Variants in ZBTB6 observed in about 807,000 individuals in gnomAD.
ZBTB6 encodes the protein zinc finger and BTB domain containing 6.
Under a neutral mutation model 30.6 loss-of-function variants are expected in ZBTB6, and 11 were observed. That is an observed-to-expected ratio of 0.36 (90% CI 0.23 to 0.60). The LOEUF is 0.60. Ranked by LOEUF, ZBTB6 falls within the 20% of genes least tolerant of loss-of-function variation. The pLI, the probability that ZBTB6 is intolerant of heterozygous loss-of-function variation, is 0.75. For synonymous variants in ZBTB6, 174 were observed against 172.0 expected (o/e 1.01, Z -0.09); for missense variants, 380 against 489.4 (o/e 0.78, Z 2.11).
rs1360093266 is a variant in ZBTB6, at chr9:122,910,039, C to A, written c.*759G>T. The A allele has an allele frequency of 5.3e-5, 8 of 152,046 alleles. No individual in the cohort carries two copies. Among genetic ancestry groups the A allele is most frequent in the Non-Finnish European group, 1.0e-4 (7 of 68,008 alleles). The allele number at this position is 152,046 out of a possible 1,614,324, so 9.4% of individuals were successfully genotyped here. On this transcript the variant is annotated 3_prime_UTR_variant, in exon 2 of 2. Coordinates refer to ENST00000373659, the MANE Select transcript of ZBTB6 (RefSeq NM_006626.6). ...TTTTAAAACAGTAGAACAGATATCCCTGGTAAAGGTAGAATTTCTCATTTT... is the reference window on the plus strand; with the variant it reads ...TTTTAAAACAGTAGAACAGATATCCATGGTAAAGGTAGAATTTCTCATTTT...
At chr9:122,912,149 G>A in intron 1 of ZBTB6, 68 bp from the exon 2 acceptor site, 2 of 1,450,174 alleles carry the variant, frequency 1.4e-6, no homozygotes, top group Non-Finnish European at 1.9e-6. Context: ...CTGTAATGGT[G>A]AAAACAAACG....
Position 122,911,084 on chromosome 9 carries a change from T to C in ZBTB6, c.989A>G (p.Gln330Arg). 1.2e-6 allele frequency: 2 copies of C among 1,614,246 alleles called. No homozygotes were observed. Among genetic ancestry groups the C allele is most frequent in the East Asian group, 2.2e-5 (1 of 44,890 alleles). The change falls in exon 2 of 2, where the codon CAG becomes CGG. Residue 330 changes from glutamine (Q) to arginine (R), a missense_variant. Gln to Arg is a conservative substitution (Grantham distance 43). Transcript: ENST00000373659. The surrounding 1 kb of genome is among the most constrained non-coding windows in gnomAD (Gnocchi z 4.5). ...LKMHKLFLCL[Q>R]CGKTFTQKKN... ...CTTCTGTGTAAATGTTTTTCCGCAC[T>C]GTAAGCATAAGAATAGTTTATGCAT... is the stretch of plus-strand genomic sequence containing the variant.
chr9:122,910,238 G>A lies in ZBTB6; in HGVS notation c.*560C>T, dbSNP rs1832938667. ...TATTAACCCTGTATAAAAAAATTCT[G>A]CTATTCCCAAGTGAATCTGAATTGT... On this transcript the variant is annotated 3_prime_UTR_variant, in exon 2 of 2. Transcript: ENST00000373659. 1.3e-5 allele frequency: 2 copies of A among 152,166 alleles called. No homozygotes were observed. The highest frequency in any genetic ancestry group is 2.9e-5 in the Non-Finnish European group (2 of 68,076). The allele number at this position is 152,166 out of a possible 1,614,324, so 9.4% of individuals were successfully genotyped here.
rs1223129150 is a variant in ZBTB6, at chr9:122,911,910, A to G, written c.163T>C (p.Ser55Pro). The G allele has an allele frequency of 6.2e-7, 1 of 1,614,222 alleles. No homozygotes were observed. Among genetic ancestry groups the G allele is most frequent in the Non-Finnish European group, 8.5e-7 (1 of 1,180,030 alleles). ...AAAAACTGATCTCTCATAAAAGTGG[A>G]GCAAGCAGCCAAAATCACCTTGTGC... is the stretch of plus-strand genomic sequence containing the variant. ...QGHKVILAAC[S>P]TFMRDQFLLT... Residue 55 changes from serine to proline, a missense_variant, in exon 2 of 2, where the codon TCC becomes CCC. By Grantham distance (74) the Ser-to-Pro change is moderately conservative. Coordinates refer to ENST00000373659, the MANE Select transcript of ZBTB6 (RefSeq NM_006626.6). The surrounding 1 kb of genome is among the most constrained non-coding windows in gnomAD (Gnocchi z 4.5).
chr9:122,911,221 A>G lies in ZBTB6; in HGVS notation c.852T>C (p.Tyr284=). The part of the protein sequence containing the change: ...GLFCENTEGS[Y]GTVSEIQNLE... ...GATTCTGAATCTCACTCACTGTACC[A>G]TAACTTCCTTCAGTATTCTCACAAA... The change falls in exon 2 of 2, where the codon TAT becomes TAC. Residue 284 remains tyrosine, a synonymous_variant. Transcript: ENST00000373659. This position sits in a 1 kb window ranked among gnomAD's most constrained non-coding sequence, Gnocchi z 4.5. 6.2e-7 allele frequency: 1 copy of G among 1,614,216 alleles called. No homozygotes were observed. The highest frequency in any genetic ancestry group is 8.5e-7 in the Non-Finnish European group (1 of 1,180,048).
chr9:122,911,905 A>C lies in ZBTB6; in HGVS notation c.168T>G (p.Thr56=), dbSNP rs541911837. 111 of 1,614,246 alleles carry C rather than the reference A, an allele frequency of 6.9e-5. 1 individual carries two copies. In the South Asian group the frequency reaches 1.2e-3, roughly 18 times the overall value. ...GHKVILAACS[T]FMRDQFLLTQ... ...TGAGTAAAAACTGATCTCTCATAAA[A>C]GTGGAGCAAGCAGCCAAAATCACCT... Residue 56 remains threonine, a synonymous_variant, in exon 2 of 2, where the codon ACT becomes ACG. Coordinates refer to ENST00000373659, the MANE Select transcript of ZBTB6 (RefSeq NM_006626.6). This position sits in a 1 kb window ranked among gnomAD's most constrained non-coding sequence, Gnocchi z 4.5.
Position 122,911,103 on chromosome 9 carries a change from T to G in ZBTB6, c.970A>C (p.Lys324Gln). ...ENYLRHLKMH[K>Q]LFLCLQCGKT... Reference sequence around the variant, plus strand: ...CCGCACTGTAAGCATAAGAATAGTTTATGCATTTTAAGGTGGCGCAGATAG... The same window carrying G: ...CCGCACTGTAAGCATAAGAATAGTTGATGCATTTTAAGGTGGCGCAGATAG... Residue 324 changes from lysine (K) to glutamine (Q), a missense_variant, in exon 2 of 2, where the codon AAA becomes CAA. Coordinates refer to ENST00000373659, the MANE Select transcript of ZBTB6 (RefSeq NM_006626.6). The surrounding 1 kb of genome is among the most constrained non-coding windows in gnomAD (Gnocchi z 4.5). The G allele has an allele frequency of 6.2e-7, 1 of 1,614,234 alleles. No individual in the cohort carries two copies. The highest frequency in any genetic ancestry group is 1.1e-5 in the South Asian group (1 of 91,090).
At chr9:122,912,637 T>G (rs902192533) in intron 1 of ZBTB6, among the ~76,000 whole-genome samples, 2 of 152,170 alleles carry the variant, frequency 1.3e-5, no homozygotes, top group African/African-American at 4.8e-5. Flanking sequence ...ATTTTATTTT[T>G]AATTTCCCTT....
Position 122,911,715 on chromosome 9 carries a change from T to G in ZBTB6, c.358A>C (p.Thr120Pro). 6.2e-7 allele frequency: 1 copy of G among 1,614,144 alleles called. No individual in the cohort carries two copies. Among genetic ancestry groups the G allele is most frequent in the Middle Eastern group, 1.6e-4 (1 of 6,062 alleles). Residue 120 changes from threonine (T) to proline (P), a missense_variant, in exon 2 of 2, where the codon ACA becomes CCA. By Grantham distance (38) the Thr-to-Pro change is conservative. Coordinates refer to ENST00000373659, the MANE Select transcript of ZBTB6 (RefSeq NM_006626.6). The surrounding 1 kb of genome is among the most constrained non-coding windows in gnomAD (Gnocchi z 4.5). Reference sequence around the variant, plus strand: ...TCCAGATACTTTGACAAAGCTTCTGTGCACTTTTCCACAATGTGAACCATC... The same window carrying G: ...TCCAGATACTTTGACAAAGCTTCTGGGCACTTTTCCACAATGTGAACCATC... Reference protein sequence around the residue: ...LQMVHIVEKCTEALSKYLEID... With the variant: ...LQMVHIVEKCPEALSKYLEID...
chr9:122,911,288 C>G lies in ZBTB6; in HGVS notation c.785G>C (p.Ser262Thr). 6.2e-7 allele frequency: 1 copy of G among 1,614,150 alleles called. No individual in the cohort carries two copies. The highest frequency in any genetic ancestry group is 1.1e-5 in the South Asian group (1 of 91,088). Residue 262 changes from serine to threonine, a missense_variant, in exon 2 of 2, where the codon AGC becomes ACC. Transcript: ENST00000373659. This position sits in a 1 kb window ranked among gnomAD's most constrained non-coding sequence, Gnocchi z 4.5. ...QHSLINSTVE[S>T]RVAEVPGNQD... Reference sequence around the variant, plus strand: ...ATTCCCAGGAACTTCAGCCACTCTGCTCTCAACTGTAGAATTGATCAATGA... The same window carrying G: ...ATTCCCAGGAACTTCAGCCACTCTGGTCTCAACTGTAGAATTGATCAATGA...
At position 122,913,278 on chromosome 9, in the gene ZBTB6, C is replaced by T; in HGVS notation, c.-37G>A. On this transcript the variant is annotated 5_prime_UTR_variant, in exon 1 of 2. Transcript: ENST00000373659. Reference sequence around the variant, plus strand: ...ACTCAGAAAACTAGAGTCAAGGATTCCGCGGCAGCGTCTGCCCAAGCCGGA... The same window carrying T: ...ACTCAGAAAACTAGAGTCAAGGATTTCGCGGCAGCGTCTGCCCAAGCCGGA... 1.0e-6 allele frequency: 1 copy of T among 986,006 alleles called. No individual in the cohort carries two copies. The highest frequency in any genetic ancestry group is 1.2e-6 in the Non-Finnish European group (1 of 830,010). The allele number at this position is 986,006 out of a possible 1,614,324, so 61.1% of individuals were successfully genotyped here. A position where few individuals can be genotyped will look rare whatever the true frequency, so the allele number is the denominator to read the frequency against.
chr9:122,911,309 A>G lies in ZBTB6; in HGVS notation c.764T>C (p.Leu255Ser), dbSNP rs1227979659. The change falls in exon 2 of 2, where the codon TTG (leucine) becomes TCG (serine). Residue 255 changes from leucine to serine, a missense_variant. Transcript: ENST00000373659. This position sits in a 1 kb window ranked among gnomAD's most constrained non-coding sequence, Gnocchi z 4.5. ...SMYFSETQHS[L>S]INSTVESRVA... ...TCTGCTCTCAACTGTAGAATTGATC[A>G]ATGAATGCTGTGTTTCAGAGAAATA... 1 of 1,614,198 alleles carries G rather than the reference A, an allele frequency of 6.2e-7. No individual in the cohort carries two copies.
At chr9:122,912,907 A>C (rs1832968178) in intron 1 of ZBTB6, among the ~76,000 whole-genome samples, 1 of 152,194 alleles carries the variant, frequency 6.6e-6, no homozygotes, top group South Asian at 2.1e-4. Flanking sequence ...TTTAAGCCCA[A>C]ATCAAGTAAA....
At position 122,908,987 on chromosome 9, in the gene ZBTB6, T is replaced by A. The variant is rs768480011; in HGVS notation, c.*1811A>T. On this transcript the variant is annotated 3_prime_UTR_variant, in exon 2 of 2. Transcript: ENST00000373659. ...TGACCAAGATCAAAGTTATTTTACA[T>A]ATAAAGTTAAAAAGTTCAAGGAGAA... The A allele has an allele frequency of 6.6e-6, 1 of 152,202 alleles. No individual in the cohort carries two copies. Among genetic ancestry groups the A allele is most frequent in the Non-Finnish European group, 1.5e-5 (1 of 68,028 alleles). 9.4% of individuals were successfully genotyped at this position (152,202 alleles called of 1,614,324 possible).
rs1426744265 is a variant in ZBTB6 at position 122,908,324 on chromosome 9, G to A, written c.*2474C>T. On this transcript the variant is annotated 3_prime_UTR_variant, in exon 2 of 2. Transcript: ENST00000373659. ...CTTTAAAAAAAGATTCCATTTTCCT[G>A]AAAATTTTTAGACATATCATGCAAA... 6.6e-6 allele frequency: 1 copy of A among 152,308 alleles called. No individual in the cohort carries two copies. The highest frequency in any genetic ancestry group is 1.5e-5 in the Non-Finnish European group (1 of 68,010). The allele number at this position is 152,308 out of a possible 1,614,324, so 9.4% of individuals were successfully genotyped here. A position where few individuals can be genotyped will look rare whatever the true frequency, so the allele number is the denominator to read the frequency against.
chr9:122,910,970 G>A lies in ZBTB6; in HGVS notation c.1103C>T (p.Thr368Ile). 1.2e-6 allele frequency: 2 copies of A among 1,614,190 alleles called. No homozygotes were observed. Among genetic ancestry groups the A allele is most frequent in the Non-Finnish European group, 1.7e-6 (2 of 1,180,040 alleles). Residue 368 changes from threonine (T) to isoleucine (I), a missense_variant, in exon 2 of 2, where the codon ACA becomes ATA. Physicochemically the swap from Thr to Ile is moderately conservative, Grantham distance 89 (BLOSUM62 -1). Transcript: ENST00000373659. ...VCLKTFTAKS[T>I]LQDHLNIHSG... Reference sequence around the variant, plus strand: ...GTGTATGTTCAAGTGGTCCTGAAGTGTGCTTTTGGCAGTAAATGTCTTCAA... The same window carrying A: ...GTGTATGTTCAAGTGGTCCTGAAGTATGCTTTTGGCAGTAAATGTCTTCAA...
rs772268219 is a variant in ZBTB6, at chr9:122,911,872, T to C, written c.201A>G (p.Ser67=). Residue 67 remains serine, a synonymous_variant, in exon 2 of 2, where the codon TCA becomes TCG. Coordinates refer to ENST00000373659, the MANE Select transcript of ZBTB6 (RefSeq NM_006626.6). The surrounding 1 kb of genome is among the most constrained non-coding windows in gnomAD (Gnocchi z 4.5). ...FMRDQFLLTQ[S]KHVRITILQS... The stretch of plus-strand genomic sequence containing the variant: ...GTAAGATGGTGATTCTGACATGTTT[T>C]GACTGTGTGAGTAAAAACTGATCTC... The C allele has an allele frequency of 2.4e-5, 39 of 1,614,136 alleles. No individual in the cohort carries two copies. The highest frequency in any genetic ancestry group is 3.1e-5 in the Non-Finnish European group (36 of 1,180,058).
chr9:122,912,190 A>C (rs1022000641), intron 1 of ZBTB6, 109 bp from the exon 2 acceptor site: 5 of 1,119,634 alleles, frequency 4.5e-6, no homozygotes, highest in Non-Finnish European at 6.3e-6. Flanking sequence ...AGGAAGAAGA[A>C]GACTCAAAGT....
chr9:122,911,686 A>G lies in ZBTB6; in HGVS notation c.387T>C (p.Ile129=), dbSNP rs1358819343. 1 of 1,613,786 alleles carries G rather than the reference A, an allele frequency of 6.2e-7. No homozygotes were observed. The highest frequency in any genetic ancestry group is 2.2e-5 in the East Asian group (1 of 44,890). ...CTEALSKYLE[I]DLSMKNNNQH... ...GGTTGTTGTTTTTCATAGAAAGATC[A>G]ATTTCCAGATACTTTGACAAAGCTT... The change falls in exon 2 of 2, where the codon ATT becomes ATC. Residue 129 remains isoleucine, a synonymous_variant. Coordinates refer to ENST00000373659, the MANE Select transcript of ZBTB6 (RefSeq NM_006626.6). This position sits in a 1 kb window ranked among gnomAD's most constrained non-coding sequence, Gnocchi z 4.5.
Sources: gnomAD v4.1 joint callset for allele counts (sites outside exome capture counted in the v4.1 genomes callset) on GRCh38, gnomAD v4.1.1 for gene constraint, Gnocchi (gnomAD v3.1) non-coding constraint, MANE v1.5 for transcripts, NCBI Gene and HGNC (gene_info 2026-07-23, HGNC 2026-07-21) for gene names.